EHMT1: variants seen among roughly 807,000 people sequenced by gnomAD.
EHMT1 encodes histone-lysine N-methyltransferase EHMT1.
In EHMT1, 15 loss-of-function variants were observed where a neutral mutation model predicts 147.2. The observed-to-expected ratio is 0.10, with a 90% CI of 0.07 to 0.16. The LOEUF (loss-of-function observed/expected upper bound fraction) is 0.16, where lower values mean the gene tolerates loss of function less well. Ranked by LOEUF, EHMT1 falls within the 10% of genes least tolerant of loss-of-function variation. The pLI is 1.00. For synonymous variants in EHMT1, 795 were observed against 709.6 expected, an observed-to-expected ratio of 1.12 and a Z score of -1.91; for missense variants, 1,587 against 1,772.4, an observed-to-expected ratio of 0.90 and a Z score of 1.88.
At chr9:137,815,088 C>T (rs940911437) in intron 22 of EHMT1, among the ~76,000 whole-genome samples, 1 of 151,828 alleles carries the variant, frequency 6.6e-6, no homozygotes, top group Non-Finnish European at 1.5e-5. Context: ...CTCCCGAGTT[C>T]AGAGGTCACG....
At chr9:137,737,526 C>T (rs571404483) in intron 4 of EHMT1, among the ~76,000 whole-genome samples, 1 of 152,086 alleles carries the variant, frequency 6.6e-6, no homozygotes, top group African/African-American at 2.4e-5. Context: ...GGTCCAGGAC[C>T]TAAATGTAAG....
chr9:137,732,688 G>T lies in EHMT1; in HGVS notation c.823+4159G>T, dbSNP rs956895736. Among the ~76,000 whole-genome samples the T allele has an allele frequency of 6.6e-6, 1 of 152,212 alleles. No individual in the cohort carries two copies. The highest frequency in any genetic ancestry group is 2.4e-5 in the African/African-American group (1 of 41,454). On this transcript the variant is annotated intron_variant, in intron 4 of 26. Coordinates refer to ENST00000460843, the MANE Select transcript of EHMT1 (RefSeq NM_024757.5). The surrounding 1 kb of genome is among the most constrained non-coding windows in gnomAD (Gnocchi z 4.6). ...CCGGGAACTGGCAGCCCGGTTTTCA[G>T]GCTTCAGGCGGCCTTTGGCTTGAAG...
At chr9:137,723,448 C>G (rs1946283000) in intron 3 of EHMT1, among the ~76,000 whole-genome samples, 1 of 134,296 alleles carries the variant, frequency 7.4e-6, no homozygotes, top group African/African-American at 2.9e-5. Context: ...GGGGTGTGCC[C>G]TGTGTCTGTG....
intron 1 of EHMT1, among the ~76,000 whole-genome samples, chr9:137,626,480 A>G (rs1418383878): frequency 6.7e-6 from 1 of 148,708 alleles, no homozygotes; most frequent in African/African-American, 2.5e-5. Context: ...CCATGATCAC[A>G]CCACTGCACT....
At chr9:137,809,282 G>C (rs746020698) in intron 18 of EHMT1, among the ~76,000 whole-genome samples, 1 of 152,200 alleles carries the variant, frequency 6.6e-6, no homozygotes, top group Non-Finnish European at 1.5e-5. Flanking sequence ...AAGGGTTGAC[G>C]GTGCTGCACG....
chr9:137,818,312 A>C (rs539895503), intron 25 of EHMT1, among the ~76,000 whole-genome samples, 174 bp downstream of exon 25: 1 of 152,286 alleles, frequency 6.6e-6, no homozygotes, highest in East Asian at 1.9e-4. Flanking sequence ...TGTGCCCTGC[A>C]TGGATGGAGG....
At chr9:137,720,311 CTTTT>C (rs936695695) in intron 3 of EHMT1, among the ~76,000 whole-genome samples, 1 of 149,094 alleles carries the variant, frequency 6.7e-6, no homozygotes, top group Admixed American at 6.7e-5. Context: ...TTTGTCATTT[CTTTT>C]TTTTTTAAGA....
At chr9:137,627,835 A>C (rs1274874321) in intron 1 of EHMT1, among the ~76,000 whole-genome samples, 2 of 148,122 alleles carry the variant, frequency 1.4e-5, no homozygotes, top group African/African-American at 5.0e-5. Flanking sequence ...CCCCACCCCC[A>C]AGTAGCTGGG....
intron 1 of EHMT1, among the ~76,000 whole-genome samples, chr9:137,680,568 C>A (rs1208796510): frequency 6.6e-6 from 1 of 152,232 alleles, no homozygotes; most frequent in Admixed American, 6.5e-5. Context: ...GTAGATTGTA[C>A]TGTTCACGTT....
chr9:137,634,868 A>ATTTTTT (rs781056803), intron 1 of EHMT1, among the ~76,000 whole-genome samples: 37 of 92,082 alleles, frequency 4.0e-4, no homozygotes, highest in African/African-American at 9.4e-4. Flanking sequence ...TGCCCAGCTA[A>ATTTTTT]TTTTTTTTTT....
intron 1 of EHMT1, among the ~76,000 whole-genome samples, chr9:137,689,674 G>A (rs548824952): frequency 2.0e-5 from 3 of 152,236 alleles, no homozygotes; most frequent in Non-Finnish European, 4.4e-5. Flanking sequence ...CTGCACTCCA[G>A]TCTGGGTGAC....
In EHMT1 at chr9:137,775,247, A is replaced by G; in HGVS notation, c.1786A>G (p.Thr596Ala). 1 of 1,611,014 alleles carries G rather than the reference A, an allele frequency of 6.2e-7. No individual in the cohort carries two copies. The highest frequency in any genetic ancestry group is 8.5e-7 in the Non-Finnish European group (1 of 1,179,898). Residue 596 changes from threonine (T) to alanine (A), a missense_variant, in exon 11 of 27, where the codon ACA (threonine) becomes GCA (alanine). Physicochemically the swap from Thr to Ala is moderately conservative, Grantham distance 58. Coordinates refer to ENST00000460843, the MANE Select transcript of EHMT1 (RefSeq NM_024757.5). The surrounding 1 kb of genome is among the most constrained non-coding windows in gnomAD (Gnocchi z 6.1). ...QCCPGCGYFC[T>A]AGNFMECQPE... ...CTGTCCTGGCTGTGGCTACTTCTGC[A>G]CAGCGGTAAGAGCCCAGTCCGGCAG...
Position 137,775,283 on chromosome 9 carries a change from C to A in EHMT1, c.1791+31C>A, listed in dbSNP as rs1211760683. ...AGCCCAGTCCGGCAGCCTCTGAGTCCTCCGCAGGCTTTGCTGTCTGCTCAC... is the reference window on the plus strand; with the variant it reads ...AGCCCAGTCCGGCAGCCTCTGAGTCATCCGCAGGCTTTGCTGTCTGCTCAC... On this transcript the variant is annotated intron_variant, in intron 11 of 26. Coordinates refer to ENST00000460843, the MANE Select transcript of EHMT1 (RefSeq NM_024757.5). The surrounding 1 kb of genome is among the most constrained non-coding windows in gnomAD (Gnocchi z 6.1). 2 of 1,604,286 alleles carry A rather than the reference C, an allele frequency of 1.2e-6. No homozygotes were observed. Among genetic ancestry groups the A allele is most frequent in the East Asian group, 4.5e-5 (2 of 44,832 alleles).
chr9:137,765,671 G>A (rs916916413), intron 10 of EHMT1, among the ~76,000 whole-genome samples: 4 of 3,168 alleles, frequency 1.3e-3, no homozygotes, highest in Non-Finnish European at 1.6e-3. Flanking sequence ...CACTCCCCCC[G>A]CCCCCGCCGC....
chr9:137,678,034 A>C (rs1174871270), intron 1 of EHMT1, among the ~76,000 whole-genome samples: 2 of 152,254 alleles, frequency 1.3e-5, no homozygotes, highest in East Asian at 3.9e-4. Flanking sequence ...GCGCCACTGC[A>C]CTCCAGCCTG....
chr9:137,816,051 G>C lies in EHMT1; in HGVS notation c.3363G>C (p.Gln1121His). 6.2e-7 allele frequency: 1 copy of C among 1,611,904 alleles called. No homozygotes were observed. Among genetic ancestry groups the C allele is most frequent in the East Asian group, 2.2e-5 (1 of 44,766 alleles). Reference sequence around the variant, plus strand: ...GGAACTGCCGAAATCGCGTCGTACAGAATGGTCTCAGGTGAGAGGCAGCTT... The same window carrying C: ...GGAACTGCCGAAATCGCGTCGTACACAATGGTCTCAGGTGAGAGGCAGCTT... ...CWRNCRNRVV[Q>H]NGLRARLQLY... The change falls in exon 23 of 27, where the codon CAG becomes CAC. Residue 1121 changes from glutamine to histidine, a missense_variant. Coordinates refer to ENST00000460843, the MANE Select transcript of EHMT1 (RefSeq NM_024757.5).
intron 1 of EHMT1, among the ~76,000 whole-genome samples, chr9:137,668,783 C>T (rs1199649677): frequency 1.6e-4 from 25 of 151,888 alleles, no homozygotes; most frequent in Admixed American, 1.6e-3. Context: ...CATTCATGTA[C>T]GAGTTTTTGT....
chr9:137,679,039 C>T (rs1045008396), intron 1 of EHMT1, among the ~76,000 whole-genome samples: 3 of 152,112 alleles, frequency 2.0e-5, no homozygotes, highest in African/African-American at 7.2e-5. Context: ...CTGTAATCTC[C>T]GCCTCCCGGG....
chr9:137,729,454 G>A (rs1446199709), intron 4 of EHMT1, among the ~76,000 whole-genome samples: 6 of 152,120 alleles, frequency 3.9e-5, no homozygotes, highest in Admixed American at 3.9e-4. Context: ...GGGCATGGTG[G>A]CGGGCGCCTG....
Sources: gnomAD v4.1 joint callset for allele counts (sites outside exome capture counted in the v4.1 genomes callset) on GRCh38, gnomAD v4.1.1 for gene constraint, Gnocchi (gnomAD v3.1) non-coding constraint, MANE v1.5 for transcripts, NCBI Gene and HGNC (gene_info 2026-07-23, HGNC 2026-07-21) for gene names.